PCDH15: variants seen among roughly 807,000 people sequenced by gnomAD.
PCDH15 encodes protocadherin-15.
A neutral mutation model predicts 178.5 loss-of-function variants in PCDH15; 129 were observed. The observed-to-expected ratio is 0.72, with a 90% CI of 0.63 to 0.84. The LOEUF (loss-of-function observed/expected upper bound fraction) is 0.84, where lower values mean the gene tolerates loss of function less well. Ranked by LOEUF, PCDH15 falls within the 40% of genes least tolerant of loss-of-function variation. The probability of loss-of-function intolerance (pLI) is 0.00; values close to 1 mark genes in which losing one functional copy is unlikely to be tolerated. For missense variants in PCDH15, 2,230 were observed against 2,099.9 expected (o/e 1.06, Z -1.21); for synonymous variants, 800 against 732.0 (o/e 1.09, Z -1.50).
At chr10:55,161,662 C>T (rs1460228694) in intron 2 of PCDH15, among the ~76,000 whole-genome samples, 2 of 152,040 alleles carry the variant, frequency 1.3e-5, no homozygotes, top group African/African-American at 2.4e-5. Context: ...GATGGCAGAA[C>T]TTCTCTAACC....
At chr10:55,070,063 G>A (rs1378031774) in intron 2 of PCDH15, among the ~76,000 whole-genome samples, 5 of 151,422 alleles carry the variant, frequency 3.3e-5, no homozygotes, top group African/African-American at 4.8e-5. Context: ...TTTTTTGGCT[G>A]CATAAATGTC....
At chr10:54,469,041 T>G (rs569265014) in intron 3 of PCDH15, among the ~76,000 whole-genome samples, 73 of 152,272 alleles carry the variant, frequency 4.8e-4, no homozygotes, top group African/African-American at 1.6e-3. Context: ...TCTTTACAGG[T>G]GAGATGTGTT....
chr10:55,188,660 C>A (rs145018764), intron 1 of PCDH15, among the ~76,000 whole-genome samples: 1 of 151,870 alleles, frequency 6.6e-6, no homozygotes, highest in African/African-American at 2.4e-5. Context: ...AGACAATTTC[C>A]AAACTTTTAC....
Position 53,900,678 on chromosome 10 carries a change from T to C in PCDH15, c.3501+2565A>G, listed in dbSNP as rs866263990. Among the ~76,000 whole-genome samples the C allele has an allele frequency of 1.1e-4, 17 of 152,206 alleles. No individual in the cohort carries two copies. In the Middle Eastern group the frequency reaches 0.017, roughly 152 times the overall value. On this transcript the variant is annotated intron_variant, in intron 26 of 37. Coordinates refer to ENST00000644397, the MANE Select transcript of PCDH15 (RefSeq NM_001384140.1). ...GATTCCTTCTTTCTCCCTCTAACCA[T>C]CCTCGACAAAAGATGCTGCTTTCTG...
chr10:54,857,100 C>T (rs1320224052), intron 3 of PCDH15, among the ~76,000 whole-genome samples: 1 of 152,168 alleles, frequency 6.6e-6, no homozygotes, highest in African/African-American at 2.4e-5. Flanking sequence ...GTGCTTGTTA[C>T]ATACCCATTG....
chr10:54,743,968 T>C (rs143358640), intron 1 of PCDH15, among the ~76,000 whole-genome samples: 4,214 of 152,236 alleles, frequency 0.028, 201 homozygotes, highest in African/African-American at 0.097. Flanking sequence ...TTCAGCTTGA[T>C]AGTTGGCTTG....
At chr10:54,334,048 T>C (rs1490296599) in intron 6 of PCDH15, among the ~76,000 whole-genome samples, 1 of 152,136 alleles carries the variant, frequency 6.6e-6, no homozygotes, top group African/African-American at 2.4e-5. Flanking sequence ...AACATTGGCT[T>C]TTTTGGGTGA....
intron 2 of PCDH15, among the ~76,000 whole-genome samples, chr10:55,622,065 GTATATATAATA>G (rs1589193576): frequency 7.9e-6 from 1 of 127,234 alleles, no homozygotes; most frequent in East Asian, 2.1e-4. Context: ...TATATATAAT[GTATATATAATA>G]TATATAAATT....
chr10:54,371,893 T>G (rs1947730217), intron 4 of PCDH15, among the ~76,000 whole-genome samples: 2 of 151,792 alleles, frequency 1.3e-5, no homozygotes. Context: ...GAGGAAAAAG[T>G]GACATGGAAT....
At chr10:54,412,747 G>C (rs1489964891) in intron 3 of PCDH15, among the ~76,000 whole-genome samples, 14 of 152,084 alleles carry the variant, frequency 9.2e-5, no homozygotes, top group Admixed American at 9.2e-4. Flanking sequence ...TTTTGCGACA[G>C]AGTCTCGCTC....
intron 3 of PCDH15, among the ~76,000 whole-genome samples, chr10:54,418,851 A>G (rs537785224): frequency 6.6e-6 from 1 of 152,172 alleles, no homozygotes; most frequent in East Asian, 1.9e-4. Context: ...CTAAAAGACA[A>G]TAATATGCAT....
intron 1 of PCDH15, among the ~76,000 whole-genome samples, chr10:55,198,306 C>T (rs2132155279): frequency 6.6e-6 from 1 of 152,096 alleles, no homozygotes; most frequent in East Asian, 1.9e-4. Flanking sequence ...GAATTTTAAT[C>T]CCCACGTATT....
In PCDH15 at chr10:54,074,885, T is replaced by G. The variant is rs542988086; in HGVS notation, c.2091+4446A>C. ...TTGTTGTTGTTGTTTTGTTTTGTTT[T>G]CTGTTTGTTTTTTATAATAGCGTCT... On this transcript the variant is annotated intron_variant, in intron 17 of 37. Transcript: ENST00000644397. 2.6e-5 allele frequency among the ~76,000 whole-genome samples: 4 copies of G among 152,290 alleles called. No individual in the cohort carries two copies. The South Asian group carries it at 8.3e-4, about 32-fold the overall frequency.
At chr10:55,138,075 G>C (rs1409527470) in intron 2 of PCDH15, among the ~76,000 whole-genome samples, 1 of 152,088 alleles carries the variant, frequency 6.6e-6, no homozygotes, top group Non-Finnish European at 1.5e-5. Flanking sequence ...CTTGAGATTT[G>C]AAATTTGTAA....
At position 54,207,050 on chromosome 10, in the gene PCDH15, T is replaced by A. The variant is rs937558689; in HGVS notation, c.1098+6886A>T. Among the ~76,000 whole-genome samples, 27 of 152,096 alleles carry A rather than the reference T, an allele frequency of 1.8e-4. 1 individual carries two copies. The highest frequency in any genetic ancestry group is 5.8e-4 in the African/African-American group (24 of 41,430). The stretch of plus-strand genomic sequence containing the variant: ...AGAATGGATAAATTGCCTTTCTTCT[T>A]CCCAAGCAGTTACAGGTCACCTTGT... On this transcript the variant is annotated intron_variant, in intron 10 of 37. Coordinates refer to ENST00000644397, the MANE Select transcript of PCDH15 (RefSeq NM_001384140.1).
At chr10:54,006,461 C>T (rs530187731) in intron 20 of PCDH15, among the ~76,000 whole-genome samples, 280 of 152,274 alleles carry the variant, frequency 1.8e-3, no homozygotes, top group Non-Finnish European at 2.7e-3. Flanking sequence ...CCAGACAATA[C>T]CTCTTACCTC....
intron 15 of PCDH15, among the ~76,000 whole-genome samples, chr10:54,125,855 T>C (rs2041945300): frequency 6.6e-6 from 1 of 152,136 alleles, no homozygotes; most frequent in Admixed American, 6.5e-5. Flanking sequence ...AGTTTGTTCT[T>C]TAAATTGCAA....
At chr10:55,202,940 T>G (rs1691751852) in intron 1 of PCDH15, among the ~76,000 whole-genome samples, 1 of 152,192 alleles carries the variant, frequency 6.6e-6, no homozygotes, top group African/African-American at 2.4e-5. Context: ...CAATTAAATC[T>G]CTTTCCTTCA....
chr10:55,332,208 GAT>G (rs1194116468), intron 2 of PCDH15, among the ~76,000 whole-genome samples: 6 of 151,848 alleles, frequency 4.0e-5, no homozygotes, highest in Non-Finnish European at 7.4e-5. Flanking sequence ...AGGTGATAAA[GAT>G]ATATGTCTTT....
Sources: gnomAD v4.1 joint callset for allele counts (sites outside exome capture counted in the v4.1 genomes callset) on GRCh38, gnomAD v4.1.1 for gene constraint, MANE v1.5 for transcripts, NCBI Gene and HGNC (gene_info 2026-07-23, HGNC 2026-07-21) for gene names.